CSF2RA: variants seen among roughly 807,000 people sequenced by gnomAD.
CSF2RA encodes colony stimulating factor 2 receptor subunit alpha, also known as granulocyte-macrophage colony-stimulating factor receptor subunit alpha.
CSF2RA carries 42 observed loss-of-function variants against 51.6 expected under a neutral mutation model. The observed-to-expected ratio is 0.81, with a 90% confidence interval of 0.64 to 1.05. The LOEUF (loss-of-function observed/expected upper bound fraction) is 1.05, where lower values mean the gene tolerates loss of function less well. Among genes scored for constraint, CSF2RA ranks in the 50% least tolerant of loss-of-function variants. CSF2RA has a pLI of 0.00. For synonymous variants in CSF2RA, 222 were observed against 193.0 expected (o/e 1.15, Z -1.24); for missense variants, 530 against 501.1 (o/e 1.06, Z -0.55).
At chrX:1,298,840 C>T (rs1278033013) in intron 9 of CSF2RA, among the ~76,000 whole-genome samples, 2 of 152,096 alleles carry the variant, frequency 1.3e-5, no homozygotes, top group African/African-American at 2.4e-5. Flanking sequence ...CCTCACCTCC[C>T]CCTAGACCCA....
At chrX:1,286,563 C>G (rs1389097873) in intron 4 of CSF2RA, among the ~76,000 whole-genome samples, 1 of 115,906 alleles carries the variant, frequency 8.6e-6, no homozygotes, top group South Asian at 2.9e-4. Context: ...GAGCAAAACT[C>G]TGTCTCCAAA....
intron 10 of CSF2RA, 24 bp downstream of exon 10, chrX:1,300,650 G>T: frequency 6.2e-7 from 1 of 1,613,906 alleles, no homozygotes; most frequent in Non-Finnish European, 8.5e-7. Context: ...GGAGGTAAGG[G>T]ATGTTTGTGC....
At chrX:1,315,585 T>A in the CSF2RA span, among the ~76,000 whole-genome samples, 1 of 151,572 alleles carries the variant, frequency 6.6e-6, no homozygotes, top group African/African-American at 2.4e-5. Context: ...TTATATTTTT[T>A]GTAGAGACAG....
At chrX:1,284,096 C>T (rs2090354052) in intron 3 of CSF2RA, among the ~76,000 whole-genome samples, 1 of 150,522 alleles carries the variant, frequency 6.6e-6, no homozygotes, top group Non-Finnish European at 1.5e-5. Context: ...TATTAAACTG[C>T]CAAGGTTCCA....
At chrX:1,274,342 C>G (rs1405343049) in intron 1 of CSF2RA, among the ~76,000 whole-genome samples, 2 of 151,434 alleles carry the variant, frequency 1.3e-5, no homozygotes, top group Admixed American at 1.3e-4. Flanking sequence ...AGCTGGGGAT[C>G]CAGTCTTGTT....
intron 4 of CSF2RA, among the ~76,000 whole-genome samples, chrX:1,286,162 C>T (rs1447801830): frequency 6.6e-6 from 1 of 151,976 alleles, no homozygotes; most frequent in Non-Finnish European, 1.5e-5. Context: ...GTCCCAGCTA[C>T]TCAGGAGGCT....
downstream of CSF2RA, among the ~76,000 whole-genome samples, chrX:1,310,868 C>T (rs1249173847): frequency 4.0e-5 from 6 of 151,894 alleles, no homozygotes; most frequent in African/African-American, 9.7e-5. Flanking sequence ...GAAGAGGGGG[C>T]GGACTCCTTA....
At position 1,270,650 on chromosome X, in the gene CSF2RA, G is replaced by A. The variant is rs2088258160; in HGVS notation, c.-91+1771G>A. On this transcript the variant is annotated intron_variant, in intron 1 of 12. Transcript: ENST00000381529. ...GTCTGTTCAGTCCTCGGTCTGTTTA[G>A]TAAACAGTATTGATCTGTTCACATA... Among the ~76,000 whole-genome samples the A allele has an allele frequency of 3.3e-5, 5 of 151,926 alleles. No individual in the cohort carries two copies. The Admixed American group carries it at 3.3e-4, about 10-fold the overall frequency.
chrX:1,289,647 TTTTTG>T (rs1315795912), intron 6 of CSF2RA, among the ~76,000 whole-genome samples: 5 of 151,800 alleles, frequency 3.3e-5, no homozygotes, highest in African/African-American at 9.7e-5. Flanking sequence ...TTTGTGTTTG[TTTTTG>T]TTTTGTTTTG....
chrX:1,317,273 CAG>C, the CSF2RA span, among the ~76,000 whole-genome samples: 1 of 14,678 alleles, frequency 6.8e-5, no homozygotes, highest in East Asian at 1.9e-3. Context: ...TTTTTTGAGA[CAG>C]AGTCTTGTTC....
chrX:1,317,246 C>CCT, the CSF2RA span, among the ~76,000 whole-genome samples: 11 of 57,828 alleles, frequency 1.9e-4, no homozygotes, highest in African/African-American at 8.1e-4. Context: ...CCACGCTCAG[C>CCT]TTTTTTTTTT....
intron 1 of CSF2RA, among the ~76,000 whole-genome samples, chrX:1,272,801 C>CTTTT (rs372370857): frequency 2.2e-5 from 3 of 139,512 alleles, no homozygotes; most frequent in Non-Finnish European, 4.6e-5. Context: ...TCTTCTTTTT[C>CTTTT]TTTTTTTTTT....
At position 1,295,407 on chromosome X, in the gene CSF2RA, G is replaced by GTGTTT. The variant is rs1306462796; in HGVS notation, c.781-9_781-5dup. On this transcript the variant is annotated intron_variant, in intron 8 of 12. Transcript: ENST00000381529. ...AAATGGAAACAGTGAGCCTTGTGTT[G>GTGTTT]TGTTTTGTTTTGTTTCTAGAATACC... The GTGTTT allele has an allele frequency of 6.2e-7, 1 of 1,613,478 alleles. No individual in the cohort carries two copies. The highest frequency in any genetic ancestry group is 1.1e-5 in the South Asian group (1 of 91,076).
At chrX:1,300,662 G>C (rs376865463) in intron 10 of CSF2RA, 36 bp downstream of exon 10, 1 of 1,613,664 alleles carries the variant, frequency 6.2e-7, no homozygotes, top group Non-Finnish European at 8.5e-7. Flanking sequence ...TGTTTGTGCC[G>C]TCTGCGGCCA....
intron 2 of CSF2RA, among the ~76,000 whole-genome samples, chrX:1,281,677 C>T (rs1322201487): frequency 6.6e-5 from 10 of 151,956 alleles, no homozygotes; most frequent in African/African-American, 1.2e-4. Context: ...CAACCAACTC[C>T]GGATCTTTTT....
In CSF2RA at chrX:1,288,417, G is replaced by C. The variant is rs2091016696; in HGVS notation, c.220-102G>C. 1.0e-5 allele frequency: 13 copies of C among 1,305,038 alleles called. 1 individual carries two copies. The highest frequency in any genetic ancestry group is 7.1e-5 in the South Asian group (6 of 84,700). The allele number at this position is 1,305,038 out of a possible 1,614,324, so 80.8% of individuals were successfully genotyped here. A position where few individuals can be genotyped will look rare whatever the true frequency, so the allele number is the denominator to read the frequency against. On this transcript the variant is annotated intron_variant, in intron 4 of 12. Coordinates refer to ENST00000381529, the MANE Select transcript of CSF2RA (RefSeq NM_172245.4). Reference sequence around the variant, plus strand: ...GAATTGCTTGAACCTGGAAGGCGGAGGTTGTAGTGAGCCGAGATCACGCCA... The same window carrying C: ...GAATTGCTTGAACCTGGAAGGCGGACGTTGTAGTGAGCCGAGATCACGCCA...
chrX:1,278,740 G>C (rs1224392636), intron 2 of CSF2RA, among the ~76,000 whole-genome samples: 1 of 146,952 alleles, frequency 6.8e-6, no homozygotes, highest in African/African-American at 2.5e-5. Flanking sequence ...AATAGTGAAA[G>C]ACTAGGTAAT....
the CSF2RA span, among the ~76,000 whole-genome samples, chrX:1,321,240 C>A: frequency 2.0e-5 from 3 of 151,926 alleles, no homozygotes; most frequent in Admixed American, 6.6e-5. Context: ...GAGGCCGAGG[C>A]GGGTGGATCA....
chrX:1,299,199 G>T (rs1391594948), intron 9 of CSF2RA, among the ~76,000 whole-genome samples: 1 of 152,064 alleles, frequency 6.6e-6, no homozygotes, highest in Non-Finnish European at 1.5e-5. Flanking sequence ...CTCTACGTGG[G>T]TTAAGAATAT....
Sources: allele counts gnomAD v4.1 joint callset (sites outside exome capture counted in the v4.1 genomes callset), GRCh38; gene constraint gnomAD v4.1.1; transcripts MANE v1.5; gene names NCBI Gene and HGNC (gene_info 2026-07-23, HGNC 2026-07-21).